Variants in TLN2 observed in about 807,000 individuals in gnomAD.
TLN2 encodes talin 2.
In TLN2, 118 loss-of-function variants were observed where a neutral mutation model predicts 294.7. That is an observed-to-expected ratio of 0.40 (90% CI 0.34 to 0.47). The LOEUF (loss-of-function observed/expected upper bound fraction) is 0.47. Among genes scored for constraint, TLN2 ranks in the 20% least tolerant of loss-of-function variants. TLN2 has a pLI of 0.84. For missense variants in TLN2, 3,083 were observed against 3,282.2 expected (o/e 0.94, Z 1.48); for synonymous variants, 1,431 against 1,304.5 (o/e 1.10, Z -2.09).
intron 9 of TLN2, 91 bp from the exon 10 acceptor site, chr15:62,673,736 A>G: frequency 1.1e-6 from 1 of 935,604 alleles, no homozygotes; most frequent in Non-Finnish European, 1.7e-6. Context: ...AGACTTAGTG[A>G]GTTAACTATG....
chr15:62,729,314 A>G (rs756913209), intron 28 of TLN2, among the ~76,000 whole-genome samples: 23 of 152,192 alleles, frequency 1.5e-4, no homozygotes, highest in Non-Finnish European at 3.4e-4. Context: ...GTTAGTGTTG[A>G]TTATTCTTGG....
rs558066841 is a variant in TLN2, at chr15:62,477,035, T to C, written c.-238+86350T>C. 2.6e-5 allele frequency among the ~76,000 whole-genome samples: 4 copies of C among 152,316 alleles called. No homozygotes were observed. The East Asian group carries it at 7.7e-4, about 29-fold the overall frequency. On this transcript the variant is annotated intron_variant, in intron 1 of 58. Transcript: ENST00000636159. ...CCTATTCATCCATTCATTCAACAAA[T>C]ATTTCTTGAGTATTTACTATGTACC...
chr15:62,410,173 C>T (rs553384212), intron 1 of TLN2, among the ~76,000 whole-genome samples: 7 of 151,484 alleles, frequency 4.6e-5, no homozygotes, highest in African/African-American at 7.3e-5. Context: ...ACCCGGGAGA[C>T]GGAGGTTGCA....
intron 12 of TLN2, among the ~76,000 whole-genome samples, chr15:62,692,238 G>A (rs1159758239): frequency 6.6e-6 from 1 of 152,222 alleles, no homozygotes; most frequent in East Asian, 1.9e-4. Flanking sequence ...GTTGCAGGAA[G>A]CAGAGGGCAC....
intron 1 of TLN2, among the ~76,000 whole-genome samples, chr15:62,431,718 C>G (rs1379750572): frequency 1.3e-5 from 2 of 152,066 alleles, no homozygotes; most frequent in African/African-American, 4.8e-5. Context: ...GAAAAACATT[C>G]AGAAAGAAGA....
At chr15:62,817,774 G>A (rs897003666) in intron 52 of TLN2, among the ~76,000 whole-genome samples, 9 of 150,366 alleles carry the variant, frequency 6.0e-5, no homozygotes, top group African/African-American at 2.2e-4. Context: ...TGTGTTCCAA[G>A]CATTGTGAGA....
chr15:62,692,256 G>C (rs952857886), intron 12 of TLN2, among the ~76,000 whole-genome samples: 2 of 152,220 alleles, frequency 1.3e-5, no homozygotes, highest in African/African-American at 4.8e-5. Flanking sequence ...CACTGGAGCT[G>C]AGTCTCTTTA....
Position 62,800,443 on chromosome 15 carries a change from A to G in TLN2, c.6310A>G (p.Ser2104Gly), listed in dbSNP as rs973840397. 2 of 1,614,126 alleles carry G rather than the reference A, an allele frequency of 1.2e-6. No individual in the cohort carries two copies. The highest frequency in any genetic ancestry group is 1.7e-6 in the Non-Finnish European group (2 of 1,180,050). Residue 2104 changes from serine to glycine, a missense_variant, in exon 49 of 59, where the codon AGC (serine) becomes GGC (glycine). Ser to Gly is a moderately conservative substitution (Grantham distance 56). Coordinates refer to ENST00000636159, the MANE Select transcript of TLN2 (RefSeq NM_015059.3). Reference sequence around the variant, plus strand: ...CATCAGTGCTACCAAGGGAGCTGCCAGCAAGCCAGTGGACGACCCTTCCAT... The same window carrying G: ...CATCAGTGCTACCAAGGGAGCTGCCGGCAAGCCAGTGGACGACCCTTCCAT... ...DLISATKGAA[S>G]KPVDDPSMYQ...
chr15:62,514,385 C>T (rs961574756), intron 1 of TLN2, among the ~76,000 whole-genome samples: 1 of 152,134 alleles, frequency 6.6e-6, no homozygotes, highest in African/African-American at 2.4e-5. Flanking sequence ...CCTGAGTCTC[C>T]CTTTACAAGT....
intron 33 of TLN2, among the ~76,000 whole-genome samples, chr15:62,749,081 C>G (rs897688263): frequency 2.6e-5 from 4 of 152,218 alleles, no homozygotes; most frequent in Non-Finnish European, 4.4e-5. Context: ...CTTGTATGTC[C>G]TAACCAATGC....
chr15:62,786,766 G>GA (rs1263677180), intron 45 of TLN2, among the ~76,000 whole-genome samples: 1 of 152,192 alleles, frequency 6.6e-6, no homozygotes, highest in Admixed American at 6.5e-5. Flanking sequence ...ACGTGCTGGA[G>GA]GTGGGAAAAT....
chr15:62,796,452 C>T (rs1210720535), intron 47 of TLN2, among the ~76,000 whole-genome samples, 159 bp downstream of exon 47: 3 of 152,278 alleles, frequency 2.0e-5, no homozygotes, highest in South Asian at 4.1e-4. Flanking sequence ...TCAGAATAAG[C>T]CCCCTTTGCC....
At position 62,796,407 on chromosome 15, in the gene TLN2, A is replaced by T. The variant is rs898021474; in HGVS notation, c.6050+114A>T. The T allele has an allele frequency of 1.5e-5, 19 of 1,229,602 alleles. No individual in the cohort carries two copies. In the East Asian group the frequency reaches 4.4e-4, roughly 28 times the overall value. The allele number at this position is 1,229,602 out of a possible 1,614,324, so 76.2% of individuals were successfully genotyped here. On this transcript the variant is annotated intron_variant, in intron 47 of 58. Coordinates refer to ENST00000636159, the MANE Select transcript of TLN2 (RefSeq NM_015059.3). ...AATGTAGTTATCTGTTTTGATTTCAACAAGATGCACAAGTTGGGAAAGTGA... is the reference window on the plus strand; with the variant it reads ...AATGTAGTTATCTGTTTTGATTTCATCAAGATGCACAAGTTGGGAAAGTGA...
At chr15:62,761,885 A>G (rs2062697206) in intron 38 of TLN2, 64 bp downstream of exon 38, 1 of 1,599,812 alleles carries the variant, frequency 6.3e-7, no homozygotes, top group African/African-American at 1.3e-5. Context: ...GCACCAAATG[A>G]GTTACTAGTT....
chr15:62,427,131 G>C (rs2034759749), intron 1 of TLN2, among the ~76,000 whole-genome samples: 3 of 152,166 alleles, frequency 2.0e-5, no homozygotes, highest in African/African-American at 7.2e-5. Context: ...TCAGTGGCCA[G>C]CATCAGTGAT....
At chr15:62,532,460 T>C (rs775537395) in intron 1 of TLN2, among the ~76,000 whole-genome samples, 1 of 152,166 alleles carries the variant, frequency 6.6e-6, no homozygotes, top group Non-Finnish European at 1.5e-5. Flanking sequence ...TGGATTGTTA[T>C]GTGGTTCCCA....
intron 1 of TLN2, among the ~76,000 whole-genome samples, chr15:62,576,657 GATT>G (rs2044433897): frequency 8.0e-6 from 1 of 125,754 alleles, no homozygotes; most frequent in African/African-American, 3.1e-5. Context: ...ATAATGGAAT[GATT>G]CCCCCCCCCG....
chr15:62,631,045 C>T (rs1260290566), intron 3 of TLN2, among the ~76,000 whole-genome samples: 1 of 151,980 alleles, frequency 6.6e-6, no homozygotes, highest in Non-Finnish European at 1.5e-5. Context: ...GCTTAGCTAG[C>T]CTTTTCTCAC....
intron 45 of TLN2, among the ~76,000 whole-genome samples, chr15:62,789,624 G>A (rs35396216): frequency 3.8e-3 from 578 of 152,250 alleles, no homozygotes; most frequent in Non-Finnish European, 6.0e-3. Context: ...GCTCAAGAGC[G>A]GGTCCTCCCT....
Sources: gnomAD v4.1 joint callset for allele counts (sites outside exome capture counted in the v4.1 genomes callset) on GRCh38, gnomAD v4.1.1 for gene constraint, MANE v1.5 for transcripts, NCBI Gene and HGNC (gene_info 2026-07-23, HGNC 2026-07-21) for gene names.